The following RAB3B variants were observed in gnomAD, a reference collection of about 807,000 sequenced individuals.
RAB3B encodes the protein RAB3B, member RAS oncogene family, also known as ras-related protein Rab-3B.
RAB3B carries 11 observed loss-of-function variants against 20.5 expected under a neutral mutation model. That is an observed-to-expected ratio of 0.54 (90% CI 0.34 to 0.89). The LOEUF is 0.89. RAB3B is among the 40% of genes least tolerant of loss of function. RAB3B has a pLI of 0.02. For synonymous variants in RAB3B, 99 were observed against 106.3 expected, an observed-to-expected ratio of 0.93 and a Z score of 0.42; for missense variants, 225 against 280.9, an observed-to-expected ratio of 0.80 and a Z score of 1.42.
intron 2 of RAB3B, among the ~76,000 whole-genome samples, chr1:51,964,144 C>A (rs2124293306): frequency 6.6e-6 from 1 of 152,284 alleles, no homozygotes; most frequent in South Asian, 2.1e-4. Flanking sequence ...TTTTACCAGG[C>A]TTTCACCCCT....
intron 4 of RAB3B, among the ~76,000 whole-genome samples, chr1:51,929,152 G>A (rs1684288196): frequency 6.6e-6 from 1 of 152,006 alleles, no homozygotes; most frequent in Non-Finnish European, 1.5e-5. Flanking sequence ...GGAGAGAGAA[G>A]GTCTCTTTTT....
intron 2 of RAB3B, among the ~76,000 whole-genome samples, chr1:51,960,521 G>A (rs918467952): frequency 4.6e-5 from 7 of 152,160 alleles, no homozygotes; most frequent in African/African-American, 1.7e-4. Flanking sequence ...AAGGTGTGGG[G>A]CAATGGTGTT....
intron 2 of RAB3B, among the ~76,000 whole-genome samples, chr1:51,938,557 T>G (rs1006572915): frequency 5.9e-5 from 9 of 152,216 alleles, no homozygotes; most frequent in African/African-American, 2.2e-4. Flanking sequence ...GTATGTGTGA[T>G]GTATTAGTTT....
intron 1 of RAB3B, chr1:51,980,514 C>G (rs1685072882): frequency 1.4e-6 from 1 of 733,898 alleles, no homozygotes; most frequent in African/African-American, 1.7e-5. Context: ...CCAAAAAGGC[C>G]TGCAGCCACT....
chr1:51,925,216 C>T (rs1224239750), intron 4 of RAB3B, among the ~76,000 whole-genome samples: 1 of 152,086 alleles, frequency 6.6e-6, no homozygotes, highest in Non-Finnish European at 1.5e-5. Context: ...GCTCTGACAC[C>T]ACCTCATCTC....
At chr1:51,955,360 T>C (rs1684694012) in intron 2 of RAB3B, among the ~76,000 whole-genome samples, 1 of 152,158 alleles carries the variant, frequency 6.6e-6, no homozygotes, top group Non-Finnish European at 1.5e-5. Context: ...GCCAAAACCT[T>C]GGCTTGGCAC....
chr1:51,963,575 A>C (rs532432948), intron 2 of RAB3B, among the ~76,000 whole-genome samples: 1 of 152,330 alleles, frequency 6.6e-6, no homozygotes, highest in Admixed American at 6.5e-5. Context: ...TCTTAATGCT[A>C]ATCAGCAATC....
At chr1:51,988,250 T>G (rs1685175821) in intron 1 of RAB3B, among the ~76,000 whole-genome samples, 1 of 152,208 alleles carries the variant, frequency 6.6e-6, no homozygotes, top group Non-Finnish European at 1.5e-5. Flanking sequence ...CATCCTCCTT[T>G]AAGCCATACT....
chr1:51,929,285 G>A (rs898704420), intron 4 of RAB3B, among the ~76,000 whole-genome samples: 7 of 152,148 alleles, frequency 4.6e-5, no homozygotes, highest in Non-Finnish European at 1.0e-4. Flanking sequence ...ATTGAGCCCT[G>A]GGTCTTGTGG....
chr1:51,930,529 A>T (rs1374185595), intron 4 of RAB3B, among the ~76,000 whole-genome samples: 2 of 152,224 alleles, frequency 1.3e-5, no homozygotes, highest in Non-Finnish European at 2.9e-5. Context: ...AAGTTACTCA[A>T]CTTCTCTGTG....
intron 2 of RAB3B, among the ~76,000 whole-genome samples, chr1:51,962,782 G>A (rs1412544827): frequency 6.6e-6 from 1 of 152,100 alleles, no homozygotes; most frequent in South Asian, 2.1e-4. Flanking sequence ...TGTAATCAAA[G>A]CCCGGCTCTC....
chr1:51,929,921 A>G (rs760527690), intron 4 of RAB3B, among the ~76,000 whole-genome samples: 1 of 152,206 alleles, frequency 6.6e-6, no homozygotes, highest in Admixed American at 6.5e-5. Flanking sequence ...TTTTCACTGA[A>G]TAAGTAAAAT....
chr1:51,988,935 T>C (rs1685182678), intron 1 of RAB3B, among the ~76,000 whole-genome samples: 1 of 151,978 alleles, frequency 6.6e-6, no homozygotes, highest in South Asian at 2.1e-4. Flanking sequence ...GCTAAATCCT[T>C]CATGACCAGG....
intron 4 of RAB3B, among the ~76,000 whole-genome samples, chr1:51,920,832 T>C (rs1428397185): frequency 6.6e-6 from 1 of 152,118 alleles, no homozygotes; most frequent in Non-Finnish European, 1.5e-5. Flanking sequence ...GAATAAGTCT[T>C]CTTTGCCCTT....
intron 4 of RAB3B, among the ~76,000 whole-genome samples, chr1:51,933,051 A>G (rs1323510548): frequency 6.6e-6 from 1 of 152,242 alleles, no homozygotes; most frequent in Non-Finnish European, 1.5e-5. Context: ...TGGTAAAAAA[A>G]AAGAGTTTAT....
At chr1:51,956,989 T>C (rs1684715946) in intron 2 of RAB3B, among the ~76,000 whole-genome samples, 1 of 152,242 alleles carries the variant, frequency 6.6e-6, no homozygotes, top group Non-Finnish European at 1.5e-5. Context: ...AAACTGTGTA[T>C]ATGAATTGCC....
At position 51,914,722 on chromosome 1, in the gene RAB3B, A is replaced by G. The variant is rs1203307577; in HGVS notation, c.*5205T>C. On this transcript the variant is annotated 3_prime_UTR_variant, in exon 5 of 5. Coordinates refer to ENST00000371655, the MANE Select transcript of RAB3B (RefSeq NM_002867.4). ...CTTGATTCCCCAACTATGGCAGGTA[A>G]TTGGGTGTAGGCTTGGGGCAGGGAA... The G allele has an allele frequency of 1.3e-5, 2 of 152,168 alleles. No homozygotes were observed. The highest frequency in any genetic ancestry group is 6.5e-5 in the Admixed American group (1 of 15,280). 9.4% of individuals were successfully genotyped at this position (152,168 alleles called of 1,614,324 possible).
At chr1:51,982,030 G>T (rs1374964473) in intron 1 of RAB3B, among the ~76,000 whole-genome samples, 1 of 151,872 alleles carries the variant, frequency 6.6e-6, no homozygotes, top group Non-Finnish European at 1.5e-5. Flanking sequence ...ACAGCCTCAG[G>T]CAGGTCCTTC....
chr1:51,976,901 G>A lies in RAB3B; in HGVS notation c.217C>T (p.Leu73=), dbSNP rs1207704424. 6.2e-7 allele frequency: 1 copy of A among 1,614,064 alleles called. No individual in the cohort carries two copies. ...TVYRHEKRVK[L]QIWDTAGQER... ...TTCCCGGGACTCACCCAGATCTGCAGTTTCACCCGCTTCTCGTGACGGTAG... is the reference window on the plus strand; with the variant it reads ...TTCCCGGGACTCACCCAGATCTGCAATTTCACCCGCTTCTCGTGACGGTAG... Residue 73 remains leucine, a synonymous_variant, in exon 2 of 5, where the codon CTG becomes TTG. Coordinates refer to ENST00000371655, the MANE Select transcript of RAB3B (RefSeq NM_002867.4).
Sources: allele counts gnomAD v4.1 joint callset (sites outside exome capture counted in the v4.1 genomes callset), GRCh38; gene constraint gnomAD v4.1.1; transcripts MANE v1.5; gene names NCBI Gene and HGNC (gene_info 2026-07-23, HGNC 2026-07-21).